IL1RAPL1: variants seen among roughly 807,000 people sequenced by gnomAD.
The protein encoded by IL1RAPL1 is interleukin 1 receptor accessory protein like 1, also known as interleukin-1 receptor accessory protein-like 1.
In IL1RAPL1, 3 loss-of-function variants were observed where a neutral mutation model predicts 48.4. The ratio of observed to expected loss-of-function variants is 0.06; its 90% CI spans 0.03 to 0.16. IL1RAPL1 has a LOEUF of 0.16. Among genes scored for constraint, IL1RAPL1 ranks in the 10% least tolerant of loss-of-function variants. The pLI is 1.00. For missense variants in IL1RAPL1, 349 were observed against 530.6 expected, an observed-to-expected ratio of 0.66 and a Z score of 3.36; for synonymous variants, 185 against 187.7, an observed-to-expected ratio of 0.99 and a Z score of 0.12.
chrX:29,641,617 A>G (rs544456987), intron 5 of IL1RAPL1, among the ~76,000 whole-genome samples: 2 of 112,034 alleles, frequency 1.8e-5, no homozygotes, highest in South Asian at 7.4e-4. Flanking sequence ...TTTCCCACTG[A>G]GTGAAGGCTT....
intron 2 of IL1RAPL1, among the ~76,000 whole-genome samples, chrX:29,163,087 G>T (rs993785897): frequency 9.2e-6 from 1 of 108,225 alleles, no homozygotes; most frequent in East Asian, 2.9e-4. Context: ...AAAAAAAAAA[G>T]AAAGAAAGAA....
At chrX:28,836,336 T>TTATTTATATATATA (rs1231420549) in intron 2 of IL1RAPL1, among the ~76,000 whole-genome samples, 2 of 85,333 alleles carry the variant, frequency 2.3e-5, no homozygotes, top group African/African-American at 9.4e-5. Context: ...CTTCCCAATT[T>TTATTTATATATATA]TATATATATA....
At chrX:29,529,984 A>T (rs909503487) in intron 5 of IL1RAPL1, among the ~76,000 whole-genome samples, 4 of 111,971 alleles carry the variant, frequency 3.6e-5, no homozygotes, top group African/African-American at 1.3e-4. Context: ...ACTACACCTA[A>T]ACATCTTAGC....
At chrX:29,705,524 T>C (rs1392087000) in intron 6 of IL1RAPL1, among the ~76,000 whole-genome samples, 1 of 112,420 alleles carries the variant, frequency 8.9e-6, no homozygotes, top group African/African-American at 3.2e-5. Flanking sequence ...GTCTATTACT[T>C]CATTTGACCA....
intron 2 of IL1RAPL1, among the ~76,000 whole-genome samples, chrX:29,112,477 T>G (rs1429863731): frequency 9.1e-6 from 1 of 110,055 alleles, no homozygotes; most frequent in African/African-American, 3.3e-5. Flanking sequence ...TTTCTTTTTT[T>G]TTTTTTTCAA....
intron 1 of IL1RAPL1, among the ~76,000 whole-genome samples, chrX:28,775,731 C>G (rs1936356393): frequency 8.9e-6 from 1 of 112,664 alleles, no homozygotes; most frequent in Admixed American, 9.4e-5. Context: ...TAGTTCCACT[C>G]TCACCCTTAT....
chrX:28,991,498 A>G (rs1040884377), intron 2 of IL1RAPL1, among the ~76,000 whole-genome samples: 4 of 111,987 alleles, frequency 3.6e-5, no homozygotes, highest in African/African-American at 9.7e-5. Flanking sequence ...CCATAATGTC[A>G]GATATGTATC....
intron 2 of IL1RAPL1, among the ~76,000 whole-genome samples, chrX:29,236,221 T>G (rs1263495528): frequency 8.9e-6 from 1 of 112,534 alleles, no homozygotes; most frequent in Non-Finnish European, 1.9e-5. Context: ...TGTCCCTGTT[T>G]AAAGATATTC....
chrX:28,628,724 G>A (rs1478770256), intron 1 of IL1RAPL1, among the ~76,000 whole-genome samples: 1 of 112,096 alleles, frequency 8.9e-6, no homozygotes, highest in Non-Finnish European at 1.9e-5. Context: ...AAATTGTGAT[G>A]CATTTGGTTA....
chrX:29,869,468 G>T (rs1931760489), intron 6 of IL1RAPL1, among the ~76,000 whole-genome samples: 1 of 111,603 alleles, frequency 9.0e-6, no homozygotes, highest in African/African-American at 3.3e-5. Context: ...ATAAGATAAG[G>T]TGAGACAAAT....
Position 28,694,033 on chromosome X carries a change from C to T in IL1RAPL1, c.-24-95287C>T, listed in dbSNP as rs548891211. ...TGAGTACTTGCCCAGTTACACTTGT[C>T]GAACACGTGCTTTACCTTCCTGCAC... is the stretch of plus-strand genomic sequence containing the variant. On this transcript the variant is annotated intron_variant, in intron 1 of 10. Coordinates refer to ENST00000378993, the MANE Select transcript of IL1RAPL1 (RefSeq NM_014271.4). Among the ~76,000 whole-genome samples, 8 of 111,625 alleles carry T rather than the reference C, an allele frequency of 7.2e-5. No homozygotes were observed. The South Asian group carries it at 2.3e-3, about 32-fold the overall frequency.
At chrX:29,517,199 G>A (rs919651714) in intron 5 of IL1RAPL1, among the ~76,000 whole-genome samples, 2 of 110,513 alleles carry the variant, frequency 1.8e-5, no homozygotes, top group African/African-American at 3.3e-5. Flanking sequence ...TTTTATATCA[G>A]TAAAATGCTT....
In IL1RAPL1 at chrX:28,762,815, CACACACACAGAGAGAGAGAGAG is replaced by C. The variant is rs1936190659; in HGVS notation, c.-24-26503_-24-26482del. On this transcript the variant is annotated intron_variant, in intron 1 of 10. Transcript: ENST00000378993. ...ACACACACACACACACACACACACA[CACACACACAGAGAGAGAGAGAG>C]AGAGAGAGAGAGAGAAGCTTGTTTC... is the stretch of plus-strand genomic sequence containing the variant. Among the ~76,000 whole-genome samples the C allele has an allele frequency of 1.9e-4, 10 of 52,660 alleles. No individual in the cohort carries two copies. In the South Asian group the frequency reaches 9.0e-3, roughly 47 times the overall value. 45.7% of individuals were successfully genotyped at this position (52,660 alleles called of 115,157 possible).
chrX:29,732,521 C>G (rs1927946956), intron 6 of IL1RAPL1, among the ~76,000 whole-genome samples: 1 of 111,768 alleles, frequency 8.9e-6, no homozygotes, highest in Non-Finnish European at 1.9e-5. Context: ...TATGCCCTAA[C>G]TACGAAATTA....
At chrX:29,580,821 AC>A (rs1922938318) in intron 5 of IL1RAPL1, among the ~76,000 whole-genome samples, 1 of 111,803 alleles carries the variant, frequency 8.9e-6, no homozygotes, top group South Asian at 3.7e-4. Context: ...ATGCAAATAT[AC>A]CTTTATTGAC....
intron 2 of IL1RAPL1, among the ~76,000 whole-genome samples, chrX:29,175,093 A>AAG (rs1929987570): frequency 9.6e-6 from 1 of 104,594 alleles, no homozygotes; most frequent in Admixed American, 1.0e-4. Context: ...AAAAAAAAAA[A>AAG]AGAGAAAAAT....
chrX:29,839,130 A>C (rs2147192455), intron 6 of IL1RAPL1, among the ~76,000 whole-genome samples: 1 of 112,521 alleles, frequency 8.9e-6, no homozygotes, highest in African/African-American at 3.2e-5. Flanking sequence ...TAGTGATACT[A>C]AAACCCATGA....
chrX:29,903,711 G>T (rs1295132863), intron 6 of IL1RAPL1, among the ~76,000 whole-genome samples: 2 of 111,465 alleles, frequency 1.8e-5, no homozygotes, highest in East Asian at 5.6e-4. Flanking sequence ...CTCAAATCAT[G>T]GCCTAGTTAA....
intron 6 of IL1RAPL1, among the ~76,000 whole-genome samples, chrX:29,787,601 C>T (rs1199729478): frequency 9.0e-6 from 1 of 111,576 alleles, no homozygotes; most frequent in Non-Finnish European, 1.9e-5. Context: ...ATGAGATGCA[C>T]AAAACCTGAA....
Sources: allele counts gnomAD v4.1 joint callset (sites outside exome capture counted in the v4.1 genomes callset), GRCh38; gene constraint gnomAD v4.1.1; transcripts MANE v1.5; gene names NCBI Gene and HGNC (gene_info 2026-07-23, HGNC 2026-07-21).